The following LAMA3 variants were observed in gnomAD, a reference collection of about 807,000 sequenced individuals.
The protein encoded by LAMA3 is laminin subunit alpha 3.
LAMA3 carries 281 observed loss-of-function variants against 402.0 expected under a neutral mutation model. That is an observed-to-expected ratio of 0.70 (90% CI 0.63 to 0.77). The LOEUF (loss-of-function observed/expected upper bound fraction) is 0.77. Among genes scored for constraint, LAMA3 ranks in the 30% least tolerant of loss-of-function variants. LAMA3 has a pLI of 0.00. For missense variants in LAMA3, 3,840 were observed against 4,215.5 expected (o/e 0.91, Z 2.47); for synonymous variants, 1,431 against 1,558.4 (o/e 0.92, Z 1.93).
intron 1 of LAMA3, among the ~76,000 whole-genome samples, chr18:23,702,017 G>A (rs993436842): frequency 1.3e-5 from 2 of 151,758 alleles, no homozygotes; most frequent in Non-Finnish European, 2.9e-5. Context: ...TGGGGAGAGA[G>A]AGAGGAGAGA....
intron 12 of LAMA3, among the ~76,000 whole-genome samples, chr18:23,786,953 G>A (rs184601510): frequency 1.3e-5 from 2 of 152,292 alleles, no homozygotes; most frequent in African/African-American, 4.8e-5. Context: ...GATAGAGATT[G>A]TGCAGTCTGA....
intron 2 of LAMA3, among the ~76,000 whole-genome samples, chr18:23,740,131 T>C (rs546006579): frequency 6.6e-6 from 1 of 152,346 alleles, no homozygotes; most frequent in South Asian, 2.1e-4. Flanking sequence ...GACTCAGTTA[T>C]GAAATTGAGC....
At chr18:23,778,851 TCAGGCTCTACAGCAA>T (rs1283483990) in intron 11 of LAMA3, among the ~76,000 whole-genome samples, 4 of 152,172 alleles carry the variant, frequency 2.6e-5, no homozygotes, top group Non-Finnish European at 4.4e-5. Flanking sequence ...GCAGTGAAGT[TCAGGCTCTACAGCAA>T]CATAGTAACT....
At chr18:23,749,187 T>C (rs570617362) in intron 3 of LAMA3, among the ~76,000 whole-genome samples, 3 of 152,354 alleles carry the variant, frequency 2.0e-5, no homozygotes, top group Non-Finnish European at 2.9e-5. Flanking sequence ...TGCCTAAGTA[T>C]GAGCGTGGAG....
intron 20 of LAMA3, among the ~76,000 whole-genome samples, chr18:23,823,143 A>G (rs550755276): frequency 1.3e-5 from 2 of 152,208 alleles, no homozygotes; most frequent in Non-Finnish European, 2.9e-5. Flanking sequence ...TGTCAACCCA[A>G]CTTGCGTGGC....
At chr18:23,729,395 A>G (rs575974532) in intron 2 of LAMA3, among the ~76,000 whole-genome samples, 7 of 152,330 alleles carry the variant, frequency 4.6e-5, no homozygotes, top group African/African-American at 1.7e-4. Context: ...TATGCAACAG[A>G]TAGTAAAAAT....
At chr18:23,738,373 C>G (rs973342749) in intron 2 of LAMA3, among the ~76,000 whole-genome samples, 1 of 152,060 alleles carries the variant, frequency 6.6e-6, no homozygotes, top group Admixed American at 6.6e-5. Context: ...CTCCCTCCTT[C>G]TGGAGAGAAG....
chr18:23,726,628 T>C lies in LAMA3; in HGVS notation c.447+12556T>C, dbSNP rs577874685. 2.0e-5 allele frequency among the ~76,000 whole-genome samples: 3 copies of C among 152,336 alleles called. No homozygotes were observed. The South Asian group carries it at 6.2e-4, about 32-fold the overall frequency. On this transcript the variant is annotated intron_variant, in intron 2 of 74. Transcript: ENST00000313654. ...TGTTTATTTATTTTTATTTATTTTT[T>C]ATTTTTTTGAGACAGGATTTTGCTC...
intron 12 of LAMA3, among the ~76,000 whole-genome samples, chr18:23,790,528 T>G (rs1000144236): frequency 5.3e-5 from 8 of 152,218 alleles, no homozygotes; most frequent in African/African-American, 1.9e-4. Flanking sequence ...TATCTGTGCT[T>G]CTGAGTATGG....
chr18:23,766,632 G>GT (rs1279791393), intron 8 of LAMA3, among the ~76,000 whole-genome samples: 1 of 152,210 alleles, frequency 6.6e-6, no homozygotes, highest in Admixed American at 6.5e-5. Flanking sequence ...GAGGTCAGGA[G>GT]TTTGAGACCA....
intron 2 of LAMA3, among the ~76,000 whole-genome samples, chr18:23,726,641 C>T (rs1319876392): frequency 5.3e-5 from 8 of 152,044 alleles, no homozygotes; most frequent in Non-Finnish European, 1.0e-4. Context: ...TTTTTTGAGA[C>T]AGGATTTTGC....
intron 10 of LAMA3, 112 bp downstream of exon 10, chr18:23,776,035 C>A: frequency 9.1e-7 from 1 of 1,097,656 alleles, no homozygotes; most frequent in Non-Finnish European, 1.4e-6. Context: ...AGAAATGGGG[C>A]CAGGTGGGTT....
chr18:23,853,708 C>T (rs1222191853), intron 32 of LAMA3, among the ~76,000 whole-genome samples: 1 of 152,224 alleles, frequency 6.6e-6, no homozygotes, highest in African/African-American at 2.4e-5. Context: ...GATAAATTCT[C>T]TTGACCTGCC....
chr18:23,916,434 A>G, intron 59 of LAMA3, 117 bp from the exon 60 acceptor site: 1 of 1,170,066 alleles, frequency 8.5e-7, no homozygotes, highest in Non-Finnish European at 1.3e-6. Flanking sequence ...AATTATGACA[A>G]CTAGATTGCA....
At chr18:23,707,723 C>CATAGT (rs2060916226) in intron 1 of LAMA3, among the ~76,000 whole-genome samples, 1 of 151,684 alleles carries the variant, frequency 6.6e-6, no homozygotes, top group Admixed American at 6.6e-5. Context: ...CTGTCACCAA[C>CATAGT]TCCCTGGGCT....
At position 23,939,337 on chromosome 18, in the gene LAMA3, C is replaced by G. The variant is rs756626587; in HGVS notation, c.8977C>G (p.Pro2993Ala). 5.6e-6 allele frequency: 9 copies of G among 1,614,220 alleles called. No homozygotes were observed. Among genetic ancestry groups the G allele is most frequent in the South Asian group, 3.3e-5 (3 of 91,082 alleles). ...TGGAGCCCTCCAGTTTGGGGACATT[C>G]CCACCAGCCACTTGCTATTCAAGCT... ...NHGALQFGDIPTSHLLFKLPQ... is the reference protein window; with the variant it reads ...NHGALQFGDIATSHLLFKLPQ... The change falls in exon 68 of 75, where the codon CCC (proline) becomes GCC (alanine). Residue 2993 changes from proline to alanine, a missense_variant. Around this residue, in one of 3 missense-constraint regions of LAMA3, gnomAD observed 840 missense variants for 981.9 expected, o/e 0.86. Transcript: ENST00000313654.
At chr18:23,762,681 C>G (rs1326427087) in intron 7 of LAMA3, among the ~76,000 whole-genome samples, 1 of 151,944 alleles carries the variant, frequency 6.6e-6, no homozygotes, top group African/African-American at 2.4e-5. Context: ...TTCAGTGTAC[C>G]TTCCTTTGAA....
chr18:23,841,403 C>A (rs148332841), intron 27 of LAMA3, among the ~76,000 whole-genome samples: 1 of 152,160 alleles, frequency 6.6e-6, no homozygotes, highest in Non-Finnish European at 1.5e-5. Flanking sequence ...CAGCTTTTAG[C>A]CCTCAAAAAC....
chr18:23,881,900 T>C (rs1268802275), intron 39 of LAMA3, 36 bp from the exon 40 acceptor site: 1 of 1,322,712 alleles, frequency 7.6e-7, no homozygotes, highest in Non-Finnish European at 1.1e-6. Context: ...GGGACTGTAC[T>C]GGCTGCTGTG....
Sources: gnomAD v4.1 joint callset for allele counts (sites outside exome capture counted in the v4.1 genomes callset) on GRCh38, gnomAD v4.1.1 for gene constraint, gnomAD v4.1.1 regional missense constraint, MANE v1.5 for transcripts, NCBI Gene and HGNC (gene_info 2026-07-23, HGNC 2026-07-21) for gene names.